KDM4C: variants seen among roughly 807,000 people sequenced by gnomAD.
The protein encoded by KDM4C is lysine demethylase 4C.
Under a neutral mutation model 129.3 loss-of-function variants are expected in KDM4C, and 81 were observed. That is an observed-to-expected ratio of 0.63 (90% CI 0.52 to 0.75). The LOEUF (loss-of-function observed/expected upper bound fraction) is 0.75. Among genes scored for constraint, KDM4C ranks in the 30% least tolerant of loss-of-function variants. The probability of loss-of-function intolerance (pLI) is 0.00; values close to 1 mark genes in which losing one functional copy is unlikely to be tolerated. For missense variants in KDM4C, 1,457 were observed against 1,304.0 expected, an observed-to-expected ratio of 1.12 and a Z score of -1.81; for synonymous variants, 573 against 456.1, an observed-to-expected ratio of 1.26 and a Z score of -3.26.
Position 6,893,381 on chromosome 9 carries a change from A to G in KDM4C, c.921+149A>G, listed in dbSNP as rs1170967517. The G allele has an allele frequency of 2.8e-5, 14 of 501,542 alleles. No individual in the cohort carries two copies. The East Asian group carries it at 4.8e-4, about 17-fold the overall frequency. The allele number at this position is 501,542 out of a possible 1,614,324, so 31.1% of individuals were successfully genotyped here. A position where few individuals can be genotyped will look rare whatever the true frequency, so the allele number is the denominator to read the frequency against. ...CAGCAATTCACTTCAGGCTCGATAC[A>G]TTTATTTTACATAGCCAATATTACC... On this transcript the variant is annotated intron_variant, in intron 8 of 21. Transcript: ENST00000381309.
At chr9:6,865,233 C>A (rs893472145) in intron 5 of KDM4C, among the ~76,000 whole-genome samples, 5 of 152,150 alleles carry the variant, frequency 3.3e-5, no homozygotes, top group Non-Finnish European at 7.4e-5. Context: ...TGGTCTCGAT[C>A]TCCTGACCTC....
At position 6,981,138 on chromosome 9, in the gene KDM4C, C is replaced by A. The variant is rs1209768769; in HGVS notation, c.1115+20C>A. Reference sequence around the variant, plus strand: ...CCGAAGGTAATGACCCCTCACCCCACTGACCTGCCTTGCCTGTCGTGTTTT... The same window carrying A: ...CCGAAGGTAATGACCCCTCACCCCAATGACCTGCCTTGCCTGTCGTGTTTT... On this transcript the variant is annotated intron_variant, in intron 9 of 21. Transcript: ENST00000381309. The A allele has an allele frequency of 1.9e-6, 3 of 1,579,612 alleles. No individual in the cohort carries two copies. Among genetic ancestry groups the A allele is most frequent in the Non-Finnish European group, 2.6e-6 (3 of 1,164,822 alleles).
chr9:7,058,567 C>A (rs1169942082), intron 17 of KDM4C, among the ~76,000 whole-genome samples: 3 of 152,112 alleles, frequency 2.0e-5, no homozygotes, highest in African/African-American at 4.8e-5. Flanking sequence ...TGGCACTTAC[C>A]ATACATCAAA....
chr9:6,835,527 G>C, intron 4 of KDM4C: 1 of 1,503,210 alleles, frequency 6.7e-7, no homozygotes, highest in Non-Finnish European at 9.3e-7. Context: ...GGATCAGCAA[G>C]CAGGAGTATG....
At chr9:6,986,013 C>T (rs927472480) in intron 10 of KDM4C, among the ~76,000 whole-genome samples, 1 of 152,204 alleles carries the variant, frequency 6.6e-6, no homozygotes, top group African/African-American at 2.4e-5. Context: ...TTCTCTTACA[C>T]TGTGTTTAAT....
chr9:6,820,933 A>G (rs916267160), intron 4 of KDM4C, among the ~76,000 whole-genome samples: 8 of 137,502 alleles, frequency 5.8e-5, no homozygotes, highest in Non-Finnish European at 1.2e-4. Flanking sequence ...AAGTGATCTC[A>G]TTGTTCAATT....
intron 1 of KDM4C, among the ~76,000 whole-genome samples, chr9:6,784,310 A>G (rs1300353770): frequency 6.6e-6 from 1 of 152,150 alleles, no homozygotes; most frequent in Non-Finnish European, 1.5e-5. Context: ...CTGAGGAGAA[A>G]ATAAAAATCC....
intron 6 of KDM4C, among the ~76,000 whole-genome samples, chr9:6,880,321 C>T (rs2130773324): frequency 1.3e-5 from 2 of 151,998 alleles, no homozygotes; most frequent in East Asian, 1.9e-4. Context: ...AAGTGATTGC[C>T]CTTAATCTGT....
chr9:7,064,732 T>G (rs1408656582), intron 17 of KDM4C, among the ~76,000 whole-genome samples: 1 of 152,150 alleles, frequency 6.6e-6, no homozygotes, highest in Admixed American at 6.6e-5. Context: ...GCTAGGGGGT[T>G]AGAATCTTAC....
chr9:6,774,143 C>T (rs1433484870), intron 1 of KDM4C, among the ~76,000 whole-genome samples: 4 of 151,994 alleles, frequency 2.6e-5, no homozygotes, highest in Non-Finnish European at 5.9e-5. Context: ...CTGCCTCAGC[C>T]TCCCAAAGTG....
chr9:6,946,749 C>T (rs1159504582), intron 8 of KDM4C, among the ~76,000 whole-genome samples: 3 of 152,004 alleles, frequency 2.0e-5, no homozygotes, highest in Non-Finnish European at 4.4e-5. Context: ...TATGAATTTT[C>T]TTTTACATTT....
At chr9:6,986,236 C>T (rs1341062274) in intron 10 of KDM4C, 108 bp from the exon 11 acceptor site, 14 of 712,750 alleles carry the variant, frequency 2.0e-5, no homozygotes, top group Admixed American at 2.7e-5. Flanking sequence ...CATGCGCATG[C>T]GTGTGTATGT....
intron 19 of KDM4C, among the ~76,000 whole-genome samples, chr9:7,151,892 C>T (rs752668609): frequency 9.9e-5 from 15 of 152,194 alleles, no homozygotes; most frequent in Non-Finnish European, 2.2e-4. Context: ...AGAAAGCTCT[C>T]ACTCTGAAAA....
At chr9:7,031,933 G>T (rs533064342) in intron 15 of KDM4C, among the ~76,000 whole-genome samples, 4 of 152,162 alleles carry the variant, frequency 2.6e-5, no homozygotes, top group Non-Finnish European at 4.4e-5. Flanking sequence ...GCTAGAGATT[G>T]TAAGTGACTT....
intron 14 of KDM4C, 54 bp from the exon 15 acceptor site, chr9:7,015,799 A>G (rs376394585): frequency 1.2e-5 from 15 of 1,225,242 alleles, no homozygotes; most frequent in East Asian, 2.3e-5. Context: ...GAGATCTGCA[A>G]TATTTTAAAG....
intron 2 of KDM4C, among the ~76,000 whole-genome samples, chr9:6,803,914 TG>T (rs1829482949): frequency 6.6e-6 from 1 of 152,098 alleles, no homozygotes; most frequent in African/African-American, 2.4e-5. Flanking sequence ...CTCCACCTCC[TG>T]GGTTCAAAGT....
chr9:6,886,908 G>A (rs1215114040), intron 6 of KDM4C, among the ~76,000 whole-genome samples: 2 of 152,130 alleles, frequency 1.3e-5, no homozygotes, highest in Non-Finnish European at 2.9e-5. Flanking sequence ...GTGAGTCACC[G>A]TACCTGGCCA....
At chr9:7,001,408 C>T (rs1820694168) in intron 12 of KDM4C, among the ~76,000 whole-genome samples, 2 of 152,252 alleles carry the variant, frequency 1.3e-5, no homozygotes, top group African/African-American at 4.8e-5. Flanking sequence ...GTGAGTGAAC[C>T]ATGGATCTGG....
chr9:7,040,338 C>T (rs1470260036), intron 15 of KDM4C, among the ~76,000 whole-genome samples: 1 of 148,958 alleles, frequency 6.7e-6, no homozygotes, highest in Non-Finnish European at 1.5e-5. Context: ...TCCCTCCCTC[C>T]CTTCCTCTTT....
Sources: allele counts gnomAD v4.1 joint callset (sites outside exome capture counted in the v4.1 genomes callset), GRCh38; gene constraint gnomAD v4.1.1; transcripts MANE v1.5; gene names NCBI Gene and HGNC (gene_info 2026-07-23, HGNC 2026-07-21).